Variants in RAP1A observed in about 807,000 individuals in gnomAD.
RAP1A encodes ras-related protein Rap-1A.
A neutral mutation model predicts 26.4 loss-of-function variants in RAP1A; 6 were observed. That is an observed-to-expected ratio of 0.23 (90% CI 0.12 to 0.45). RAP1A has a LOEUF of 0.45. RAP1A is among the 20% of genes least tolerant of loss of function. The pLI is 0.99. For missense variants in RAP1A, 121 were observed against 217.2 expected (o/e 0.56, Z 2.78); for synonymous variants, 73 against 79.4 (o/e 0.92, Z 0.43).
At chr1:111,560,198 C>T (rs1657673035) in intron 1 of RAP1A, among the ~76,000 whole-genome samples, 1 of 152,188 alleles carries the variant, frequency 6.6e-6, no homozygotes, top group Admixed American at 6.5e-5. Flanking sequence ...CAAGAGAAGA[C>T]TCCCCACCTA....
Position 111,714,533 on chromosome 1 carries a change from G to T in RAP1A, c.*2132G>T, listed in dbSNP as rs1316097246. 6.6e-6 allele frequency: 1 copy of T among 152,228 alleles called. No homozygotes were observed. Among genetic ancestry groups the T allele is most frequent in the African/African-American group, 2.4e-5 (1 of 41,458 alleles). 9.4% of individuals were successfully genotyped at this position (152,228 alleles called of 1,614,324 possible). ...CTATTCTATTTTAGAATGTGGTGGAGAAAGATGATAGTTATTAGATTCCTT... is the reference window on the plus strand; with the variant it reads ...CTATTCTATTTTAGAATGTGGTGGATAAAGATGATAGTTATTAGATTCCTT... On this transcript the variant is annotated 3_prime_UTR_variant, in exon 8 of 8. Transcript: ENST00000369709.
intron 4 of RAP1A, among the ~76,000 whole-genome samples, chr1:111,702,639 C>T (rs1662058885): frequency 6.6e-6 from 1 of 151,402 alleles, no homozygotes; most frequent in Non-Finnish European, 1.5e-5. Flanking sequence ...GCGATGTTGG[C>T]TCACTGCAAC....
At chr1:111,641,277 T>G (rs1043443404) in intron 1 of RAP1A, among the ~76,000 whole-genome samples, 1 of 152,236 alleles carries the variant, frequency 6.6e-6, no homozygotes, top group African/African-American at 2.4e-5. Context: ...ATAAGTTTTG[T>G]CAAGTTTCTC....
intron 1 of RAP1A, chr1:111,599,771 T>TC (rs1658633999): frequency 6.6e-6 from 1 of 152,130 alleles, no homozygotes; most frequent in African/African-American, 2.4e-5. Context: ...GGTTTGGATG[T>TC]TTGTCCCCCC....
chr1:111,567,508 C>T (rs757680057), intron 1 of RAP1A, among the ~76,000 whole-genome samples: 1 of 152,152 alleles, frequency 6.6e-6, no homozygotes, highest in African/African-American at 2.4e-5. Context: ...CTATTGTGGA[C>T]TGAACTGTGT....
intron 1 of RAP1A, among the ~76,000 whole-genome samples, chr1:111,632,454 G>T (rs1053171956): frequency 1.3e-5 from 2 of 152,012 alleles, no homozygotes; most frequent in African/African-American, 4.8e-5. Context: ...AGAAAGGAAC[G>T]TAATTATGAT....
chr1:111,643,802 C>A (rs961756606), intron 1 of RAP1A, among the ~76,000 whole-genome samples: 1 of 151,992 alleles, frequency 6.6e-6, no homozygotes, highest in Non-Finnish European at 1.5e-5. Context: ...ACCATACACA[C>A]ATTCACATAC....
Position 111,695,400 on chromosome 1 carries a change from C to T in RAP1A, c.117C>T (p.Ser39=), listed in dbSNP as rs765107060. The T allele has an allele frequency of 2.6e-6, 4 of 1,557,620 alleles. No individual in the cohort carries two copies. Among genetic ancestry groups the T allele is most frequent in the Non-Finnish European group, 3.5e-6 (4 of 1,157,478 alleles). Residue 39 remains serine (S), a synonymous_variant, in exon 3 of 8, where the codon TCC becomes TCT. Transcript: ENST00000369709. ...VEKYDPTIED[S]YRKQVEVDCQ... The stretch of plus-strand genomic sequence containing the variant: ...AATATGACCCAACGATAGAAGATTC[C>T]TACAGAAAGGTAAAATGTGAAACTT...
chr1:111,661,522 C>T (rs894857627), intron 1 of RAP1A, among the ~76,000 whole-genome samples: 8 of 152,126 alleles, frequency 5.3e-5, no homozygotes, highest in South Asian at 2.1e-4. Context: ...ATTTAGGGGC[C>T]GGGCACAGTG....
intron 7 of RAP1A, among the ~76,000 whole-genome samples, chr1:111,711,147 A>G (rs1662373484): frequency 6.6e-6 from 1 of 152,114 alleles, no homozygotes; most frequent in Non-Finnish European, 1.5e-5. Flanking sequence ...TTGATTCTAT[A>G]ACTTTAAATC....
chr1:111,658,755 CAATT>C (rs886869133), intron 1 of RAP1A, among the ~76,000 whole-genome samples: 2 of 152,114 alleles, frequency 1.3e-5, no homozygotes, highest in African/African-American at 2.4e-5. Flanking sequence ...TGATTAGATC[CAATT>C]GATTGATGGT....
At chr1:111,562,331 A>G (rs1303965044) in intron 1 of RAP1A, among the ~76,000 whole-genome samples, 2 of 152,224 alleles carry the variant, frequency 1.3e-5, no homozygotes, top group African/African-American at 4.8e-5. Context: ...TAGGAGGTCA[A>G]GAATTATACC....
rs779527745 is a variant in RAP1A, at chr1:111,585,806, T to C, written c.-28+43297T>C. 3.7e-4 allele frequency among the ~76,000 whole-genome samples: 57 copies of C among 152,172 alleles called. 1 individual carries two copies. The highest frequency in any genetic ancestry group is 4.1e-4 in the South Asian group (2 of 4,830). ...ATCTACACTAAGACACATTTAATTA[T>C]AAGATAAGCCATTATTTTATGTACT... On this transcript the variant is annotated intron_variant, in intron 1 of 7. Transcript: ENST00000356415.
At chr1:111,637,854 GA>G (rs1267713099) in intron 1 of RAP1A, among the ~76,000 whole-genome samples, 1 of 151,974 alleles carries the variant, frequency 6.6e-6, no homozygotes, top group Admixed American at 6.6e-5. Context: ...GTTCTACTAT[GA>G]ATATCATTAT....
intron 1 of RAP1A, among the ~76,000 whole-genome samples, chr1:111,598,889 G>A (rs1282919622): frequency 3.9e-5 from 6 of 152,110 alleles, no homozygotes; most frequent in East Asian, 1.9e-4. Context: ...CAGAACTTCC[G>A]ACCAACTGAC....
At chr1:111,598,477 C>G (rs749591102) in intron 1 of RAP1A, among the ~76,000 whole-genome samples, 1 of 151,374 alleles carries the variant, frequency 6.6e-6, no homozygotes, top group African/African-American at 2.4e-5. Flanking sequence ...TTTTTTTTGT[C>G]CCACACGCTT....
chr1:111,706,250 T>C (rs572162064), intron 6 of RAP1A, among the ~76,000 whole-genome samples: 1 of 152,268 alleles, frequency 6.6e-6, no homozygotes, highest in East Asian at 1.9e-4. Flanking sequence ...TCTTTTAATA[T>C]TTTTCTCTTT....
intron 1 of RAP1A, among the ~76,000 whole-genome samples, chr1:111,575,956 C>T (rs1408798590): frequency 6.6e-6 from 1 of 152,112 alleles, no homozygotes; most frequent in Non-Finnish European, 1.5e-5. Flanking sequence ...ATAATACACA[C>T]AAAAACATAC....
intron 1 of RAP1A, among the ~76,000 whole-genome samples, chr1:111,597,156 A>G (rs1472911015): frequency 6.6e-6 from 1 of 152,198 alleles, no homozygotes; most frequent in Non-Finnish European, 1.5e-5. Context: ...GCCCTTGGTC[A>G]CAAGCATGAA....
Sources: gnomAD v4.1 joint callset for allele counts (sites outside exome capture counted in the v4.1 genomes callset) on GRCh38, gnomAD v4.1.1 for gene constraint, MANE v1.5 for transcripts, NCBI Gene and HGNC (gene_info 2026-07-23, HGNC 2026-07-21) for gene names.